Variants in CDC42BPB observed in about 807,000 individuals in gnomAD.
The protein encoded by CDC42BPB is serine/threonine-protein kinase MRCK beta.
In CDC42BPB, 37 loss-of-function variants were observed where a neutral mutation model predicts 214.9. The ratio of observed to expected loss-of-function variants is 0.17; its 90% CI spans 0.13 to 0.23. The LOEUF (loss-of-function observed/expected upper bound fraction) is 0.23. CDC42BPB is among the 10% of genes least tolerant of loss of function. The pLI is 1.00. For missense variants in CDC42BPB, 1,694 were observed against 2,227.0 expected (o/e 0.76, Z 4.82); for synonymous variants, 931 against 884.0 (o/e 1.05, Z -0.94).
At chr14:102,966,442 C>T in intron 17 of CDC42BPB, 55 bp from the exon 18 acceptor site, 1 of 1,602,712 alleles carries the variant, frequency 6.2e-7, no homozygotes, top group Non-Finnish European at 8.5e-7. Context: ...AGGGAGAAGC[C>T]AAACAAGAAG....
At chr14:103,048,707 C>CAA (rs576300614) in intron 1 of CDC42BPB, among the ~76,000 whole-genome samples, 7 of 103,490 alleles carry the variant, frequency 6.8e-5, no homozygotes, top group African/African-American at 2.5e-4. Context: ...GACTCCGTCT[C>CAA]AAAAAAAAAA....
intron 1 of CDC42BPB, among the ~76,000 whole-genome samples, chr14:103,042,557 G>A (rs887351889): frequency 1.4e-4 from 22 of 152,078 alleles, no homozygotes; most frequent in Non-Finnish European, 1.5e-4. Flanking sequence ...TGATCTGCCC[G>A]CCTCGGCCTC....
intron 5 of CDC42BPB, among the ~76,000 whole-genome samples, chr14:102,995,429 C>G (rs34720117): frequency 1.3e-5 from 2 of 152,336 alleles, no homozygotes; most frequent in Non-Finnish European, 2.9e-5. Context: ...CCTGCCTAGG[C>G]CTCCCAAAGT....
In CDC42BPB at chr14:103,056,990, C is replaced by G; in HGVS notation, c.175+9G>C. On this transcript the variant is annotated intron_variant, in intron 1 of 36. Coordinates refer to ENST00000361246, the MANE Select transcript of CDC42BPB (RefSeq NM_006035.4). ...AGCCGCAGGTCCGGCCCTGCCGGCG[C>G]GCACTTACCCCACTCGAGGAACTCG... 7.0e-7 allele frequency: 1 copy of G among 1,419,234 alleles called. No individual in the cohort carries two copies. Among genetic ancestry groups the G allele is most frequent in the African/African-American group, 1.5e-5 (1 of 67,162 alleles). 87.9% of individuals were successfully genotyped at this position (1,419,234 alleles called of 1,614,324 possible).
At chr14:102,981,883 C>T (rs549518993) in intron 7 of CDC42BPB, among the ~76,000 whole-genome samples, 31 of 152,080 alleles carry the variant, frequency 2.0e-4, no homozygotes, top group South Asian at 1.4e-3. Flanking sequence ...TAACATGATG[C>T]CACGTATCTA....
At chr14:102,954,501 C>G (rs1225239953) in intron 22 of CDC42BPB, 101 bp downstream of exon 22, 5 of 1,376,358 alleles carry the variant, frequency 3.6e-6, no homozygotes, top group East Asian at 2.4e-5. Flanking sequence ...CAGAGGCCCT[C>G]GCTGCAAACT....
In CDC42BPB at chr14:102,980,695, G is replaced by A. The variant is rs1893957903; in HGVS notation, c.1140+78C>T. Reference sequence around the variant, plus strand: ...TCACAGCTTTATGGTGTACTGACTTGATAAGCAACGCCCTCAACACAGCAC... The same window carrying A: ...TCACAGCTTTATGGTGTACTGACTTAATAAGCAACGCCCTCAACACAGCAC... On this transcript the variant is annotated intron_variant, in intron 8 of 36. Transcript: ENST00000361246. The A allele has an allele frequency of 2.9e-6, 4 of 1,397,450 alleles. No homozygotes were observed. In the Admixed American group the frequency reaches 6.9e-5, roughly 24 times the overall value. 86.6% of individuals were successfully genotyped at this position (1,397,450 alleles called of 1,614,324 possible). A position where few individuals can be genotyped will look rare whatever the true frequency, so the allele number is the denominator to read the frequency against.
At chr14:103,043,811 A>G (rs1324566886) in intron 1 of CDC42BPB, among the ~76,000 whole-genome samples, 1 of 150,086 alleles carries the variant, frequency 6.7e-6, no homozygotes, top group Non-Finnish European at 1.5e-5. Context: ...TTTCTGTTTA[A>G]AACTCCTCCT....
chr14:103,015,401 C>T (rs1398762905), intron 1 of CDC42BPB, among the ~76,000 whole-genome samples: 4 of 151,942 alleles, frequency 2.6e-5, no homozygotes, highest in South Asian at 2.1e-4. Context: ...GCAGGAGAAT[C>T]GCTTGAACCC....
intron 4 of CDC42BPB, among the ~76,000 whole-genome samples, chr14:103,000,764 C>T (rs1019096115): frequency 2.6e-5 from 4 of 152,216 alleles, no homozygotes; most frequent in Admixed American, 6.5e-5. Context: ...TGAAGGCCCA[C>T]GCTCGGGCCC....
At chr14:103,041,689 T>G (rs1219021187) in intron 1 of CDC42BPB, 1 of 559,996 alleles carries the variant, frequency 1.8e-6, no homozygotes, top group Non-Finnish European at 3.2e-6. Flanking sequence ...CGGCCGCAGC[T>G]GCAGCTTGGA....
At chr14:102,978,035 C>T (rs1893836184) in intron 9 of CDC42BPB, 91 bp downstream of exon 9, 3 of 1,011,270 alleles carry the variant, frequency 3.0e-6, no homozygotes, top group South Asian at 1.4e-5. Context: ...ACACCACCCA[C>T]TAGCCCGCCC....
chr14:102,938,885 C>T (rs890975145), intron 34 of CDC42BPB, among the ~76,000 whole-genome samples: 1 of 151,366 alleles, frequency 6.6e-6, no homozygotes, highest in Non-Finnish European at 1.5e-5. Flanking sequence ...ACTGTGGCCT[C>T]CCAAAGTGCT....
intron 1 of CDC42BPB, among the ~76,000 whole-genome samples, chr14:103,034,327 GC>G (rs1887549029): frequency 6.6e-6 from 1 of 152,088 alleles, no homozygotes; most frequent in Non-Finnish European, 1.5e-5. Flanking sequence ...ACAAACCTGG[GC>G]TCAACTAGTG....
intron 1 of CDC42BPB, among the ~76,000 whole-genome samples, chr14:103,014,212 T>C (rs1334313002): frequency 6.9e-6 from 1 of 144,360 alleles, no homozygotes; most frequent in Non-Finnish European, 1.5e-5. Flanking sequence ...TCAGGTCAAC[T>C]CTTCCCAGGA....
intron 7 of CDC42BPB, chr14:102,981,258 T>C (rs924540142): frequency 2.3e-6 from 2 of 885,642 alleles, no homozygotes; most frequent in Admixed American, 1.2e-4. Context: ...AAATGACACA[T>C]TTTACCTATG....
chr14:103,008,066 C>CT (rs34525697), intron 3 of CDC42BPB, among the ~76,000 whole-genome samples: 27,744 of 151,690 alleles, frequency 0.18, 5,008 homozygotes, highest in African/African-American at 0.47. Flanking sequence ...CAGTGGTCCA[C>CT]TTCATTTCTA....
intron 24 of CDC42BPB, among the ~76,000 whole-genome samples, chr14:102,952,007 C>A (rs1464629840): frequency 6.6e-6 from 1 of 152,164 alleles, no homozygotes; most frequent in Non-Finnish European, 1.5e-5. Flanking sequence ...GCCCCCAGCA[C>A]AGCAGGGATC....
chr14:102,944,571 T>C lies in CDC42BPB; in HGVS notation c.3812-84A>G. 1 of 1,530,100 alleles carries C rather than the reference T, an allele frequency of 6.5e-7. No individual in the cohort carries two copies. The highest frequency in any genetic ancestry group is 8.8e-7 in the Non-Finnish European group (1 of 1,139,982). The allele number at this position is 1,530,100 out of a possible 1,614,324, so 94.8% of individuals were successfully genotyped here. On this transcript the variant is annotated intron_variant, in intron 29 of 36. Coordinates refer to ENST00000361246, the MANE Select transcript of CDC42BPB (RefSeq NM_006035.4). This position sits in a 1 kb window ranked among gnomAD's most constrained non-coding sequence, Gnocchi z 6.6. ...TGACGGCCTTGGCTAAAGACTTGCC[T>C]GGAACACTCTGGGGCCCTCCCCTGG... is the stretch of plus-strand genomic sequence containing the variant.
Sources: gnomAD v4.1 joint callset for allele counts (sites outside exome capture counted in the v4.1 genomes callset) on GRCh38, gnomAD v4.1.1 for gene constraint, Gnocchi (gnomAD v3.1) non-coding constraint, MANE v1.5 for transcripts, NCBI Gene and HGNC (gene_info 2026-07-23, HGNC 2026-07-21) for gene names.